Variants in TNS3 observed in about 807,000 individuals in gnomAD.
TNS3 encodes the protein tensin 3, also known as tensin-3.
TNS3 carries 45 observed loss-of-function variants against 140.9 expected under a neutral mutation model. The ratio of observed to expected loss-of-function variants is 0.32; its 90% confidence interval spans 0.25 to 0.41. TNS3 has a LOEUF of 0.41. Ranked by LOEUF, TNS3 falls within the 10% of genes least tolerant of loss-of-function variation. The probability of loss-of-function intolerance (pLI) is 1.00; values close to 1 mark genes in which losing one functional copy is unlikely to be tolerated. For synonymous variants in TNS3, 815 were observed against 788.4 expected (o/e 1.03, Z -0.56); for missense variants, 1,716 against 1,906.7 (o/e 0.90, Z 1.86).
chr7:47,413,505 C>T (rs954253455), intron 12 of TNS3, among the ~76,000 whole-genome samples: 6 of 151,576 alleles, frequency 4.0e-5, no homozygotes, highest in Non-Finnish European at 7.4e-5. Context: ...TTTGGGAGGC[C>T]GAGACGGGTA....
At position 47,400,880 on chromosome 7, in the gene TNS3, G is replaced by A. The variant is rs1349494508; in HGVS notation, c.758C>T (p.Thr253Ile). 2 of 1,614,234 alleles carry A rather than the reference G, an allele frequency of 1.2e-6. No homozygotes were observed. The highest frequency in any genetic ancestry group is 1.3e-5 in the African/African-American group (1 of 75,062). ...KCYHKKYRSA[T>I]RDVIFRLQFH... ...CTGCAGGCGGAAAATGACGTCACGG[G>A]TGGCCGAGCGGTATTTCTTGTGGTA... The change falls in exon 14 of 31, where the codon ACC (threonine) becomes ATC (isoleucine). Residue 253 changes from threonine to isoleucine, a missense_variant. Thr to Ile is a moderately conservative substitution (Grantham distance 89). This residue lies in a region of TNS3 where 337 missense variants were observed against 428.9 expected (regional missense o/e 0.79). Transcript: ENST00000311160.
intron 20 of TNS3, among the ~76,000 whole-genome samples, chr7:47,323,547 A>C (rs1022540009): frequency 2.0e-5 from 3 of 152,258 alleles, no homozygotes; most frequent in Admixed American, 2.0e-4. Context: ...AATGAGTCAA[A>C]GTAAGGGTAA....
At chr7:47,470,234 G>A (rs989483683) in intron 4 of TNS3, among the ~76,000 whole-genome samples, 1 of 152,138 alleles carries the variant, frequency 6.6e-6, no homozygotes, top group East Asian at 1.9e-4. Flanking sequence ...GGAGAGGGAC[G>A]TGAATTGAAA....
rs1170299536 is a variant in TNS3 at position 47,411,935 on chromosome 7, T to A, written c.648-133A>T. ...AATGCCCAATCAGCCCAGAATCTAA[T>A]TCCTGAGAATCTAAATGAATCTAAA... is the stretch of plus-strand genomic sequence containing the variant. On this transcript the variant is annotated intron_variant, in intron 12 of 30. Coordinates refer to ENST00000311160, the MANE Select transcript of TNS3 (RefSeq NM_022748.12). 5 of 810,658 alleles carry A rather than the reference T, an allele frequency of 6.2e-6. No homozygotes were observed. The East Asian group carries it at 1.3e-4, about 22-fold the overall frequency. The allele number at this position is 810,658 out of a possible 1,614,324, so 50.2% of individuals were successfully genotyped here.
chr7:47,483,726 T>C (rs1797510902), intron 3 of TNS3, among the ~76,000 whole-genome samples: 2 of 152,122 alleles, frequency 1.3e-5, no homozygotes, highest in South Asian at 4.1e-4. Flanking sequence ...CCCCAGGGTG[T>C]CCTACAGAAA....
chr7:47,475,522 C>G (rs181822323), intron 4 of TNS3, among the ~76,000 whole-genome samples: 1 of 76,670 alleles, frequency 1.3e-5, no homozygotes, highest in Admixed American at 1.8e-4. Flanking sequence ...TGTAAACAGG[C>G]GGCACTTCCC....
chr7:47,479,085 G>C (rs1484744728), intron 4 of TNS3, among the ~76,000 whole-genome samples: 2 of 152,170 alleles, frequency 1.3e-5, no homozygotes, highest in Non-Finnish European at 2.9e-5. Flanking sequence ...TGCTCCAGGA[G>C]ACTGAAGACT....
At chr7:47,442,128 G>C in intron 4 of TNS3, 73 bp from the exon 5 acceptor site, 1 of 1,007,946 alleles carries the variant, frequency 9.9e-7, no homozygotes, top group Non-Finnish European at 1.3e-6. Context: ...ACACCACTGA[G>C]AGGGAACAAT....
intron 1 of TNS3, among the ~76,000 whole-genome samples, chr7:47,533,103 T>TTATATATATATATATATATATATATA (rs1340588438): frequency 3.8e-4 from 7 of 18,598 alleles, no homozygotes; most frequent in African/African-American, 9.6e-4. Context: ...TTGTCAGATT[T>TTATATATATATATATATATATATATA]TATATATATA....
At chr7:47,545,685 G>A (rs1432049816) in intron 1 of TNS3, among the ~76,000 whole-genome samples, 4 of 152,094 alleles carry the variant, frequency 2.6e-5, no homozygotes, top group Admixed American at 6.5e-5. Context: ...ATCGACCCCC[G>A]TCCTTTCACA....
chr7:47,367,426 C>T (rs372804285), intron 17 of TNS3, among the ~76,000 whole-genome samples: 2 of 152,330 alleles, frequency 1.3e-5, no homozygotes, highest in African/African-American at 4.8e-5. Flanking sequence ...TGCCCCATTA[C>T]ATCGATGCAG....
At chr7:47,559,777 T>G (rs1800285545) in intron 1 of TNS3, among the ~76,000 whole-genome samples, 2 of 152,080 alleles carry the variant, frequency 1.3e-5, no homozygotes. Context: ...CCACCATGCA[T>G]CTTCATCAGG....
chr7:47,554,733 T>C (rs77495574), intron 1 of TNS3, among the ~76,000 whole-genome samples: 1,673 of 152,296 alleles, frequency 0.011, 15 homozygotes, highest in Non-Finnish European at 0.018. Context: ...GAAAGTGGTT[T>C]CTTAAGATGG....
chr7:47,543,162 C>T (rs1799835076), intron 1 of TNS3, among the ~76,000 whole-genome samples: 1 of 152,158 alleles, frequency 6.6e-6, no homozygotes. Flanking sequence ...TGGGAAAATC[C>T]TCCCTTTTGT....
In TNS3 at chr7:47,425,474, AAAGT is replaced by A. The variant is rs1419253317; in HGVS notation, c.390-1294_390-1291del. 2.6e-5 allele frequency among the ~76,000 whole-genome samples: 4 copies of A among 152,296 alleles called. No homozygotes were observed. In the East Asian group the frequency reaches 7.7e-4, roughly 29 times the overall value. On this transcript the variant is annotated intron_variant, in intron 9 of 30. Coordinates refer to ENST00000311160, the MANE Select transcript of TNS3 (RefSeq NM_022748.12). ...GCAGGAGGAAAAAGAAACATACTCAAAAGTAAGTTGAGTGTGATTTGACTTTCAC... is the reference window on the plus strand; with the variant it reads ...GCAGGAGGAAAAAGAAACATACTCAAAAGTTGAGTGTGATTTGACTTTCAC...
chr7:47,470,942 TG>T (rs1395272757), intron 4 of TNS3, among the ~76,000 whole-genome samples: 3 of 149,928 alleles, frequency 2.0e-5, no homozygotes, highest in Non-Finnish European at 4.5e-5. Context: ...GGGTGTGTTT[TG>T]TTTTTTGTTT....
intron 23 of TNS3, among the ~76,000 whole-genome samples, chr7:47,301,208 C>T (rs1015764044): frequency 1.3e-5 from 2 of 152,188 alleles, no homozygotes; most frequent in South Asian, 4.1e-4. Context: ...TTTAAACCAA[C>T]CCATTCCCTC....
chr7:47,413,909 C>T, intron 12 of TNS3, 28 bp downstream of exon 12: 1 of 1,456,532 alleles, frequency 6.9e-7, no homozygotes, highest in Non-Finnish European at 9.4e-7. Flanking sequence ...GGTCCCACAA[C>T]AGCAGCAGCA....
rs541376104 is a variant in TNS3 at position 47,404,596 on chromosome 7, C to T, written c.724-3682G>A. Reference sequence around the variant, plus strand: ...TTTCTAATAGTGGTATAAAAATATGCCTGTGCCCGGCCGGGCGCGGTGGCT... The same window carrying T: ...TTTCTAATAGTGGTATAAAAATATGTCTGTGCCCGGCCGGGCGCGGTGGCT... On this transcript the variant is annotated intron_variant, in intron 13 of 30. Transcript: ENST00000311160. Among the ~76,000 whole-genome samples, 5 of 152,204 alleles carry T rather than the reference C, an allele frequency of 3.3e-5. No individual in the cohort carries two copies. In the East Asian group the frequency reaches 7.7e-4, roughly 24 times the overall value.
Sources: gnomAD v4.1 joint callset for allele counts (sites outside exome capture counted in the v4.1 genomes callset) on GRCh38, gnomAD v4.1.1 for gene constraint, gnomAD v4.1.1 regional missense constraint, MANE v1.5 for transcripts, NCBI Gene and HGNC (gene_info 2026-07-23, HGNC 2026-07-21) for gene names.